The following TMX3 variants were observed in gnomAD, a reference collection of about 807,000 sequenced individuals.
The protein encoded by TMX3 is protein disulfide-isomerase TMX3.
TMX3 carries 40 observed loss-of-function variants against 64.4 expected under a neutral mutation model. The observed-to-expected ratio is 0.62, with a 90% CI of 0.48 to 0.81. TMX3 has a LOEUF of 0.81. TMX3 is among the 30% of genes least tolerant of loss of function. The pLI, the probability that TMX3 is intolerant of heterozygous loss-of-function variation, is 0.00. For synonymous variants in TMX3, 189 were observed against 175.7 expected, an observed-to-expected ratio of 1.08 and a Z score of -0.60; for missense variants, 497 against 534.5, an observed-to-expected ratio of 0.93 and a Z score of 0.69.
rs1182633036 is a variant in TMX3 at position 68,674,201 on chromosome 18, T to C, written c.*2732A>G. ...TAAATCAGATACCAGGAAGCAACTATGTGAGAAAGAAAATGAAAATTCTAG... is the reference window on the plus strand; with the variant it reads ...TAAATCAGATACCAGGAAGCAACTACGTGAGAAAGAAAATGAAAATTCTAG... On this transcript the variant is annotated 3_prime_UTR_variant, in exon 16 of 16. Transcript: ENST00000299608. 2 of 152,140 alleles carry C rather than the reference T, an allele frequency of 1.3e-5. No homozygotes were observed. The highest frequency in any genetic ancestry group is 4.8e-5 in the African/African-American group (2 of 41,436). The allele number at this position is 152,140 out of a possible 1,614,324, so 9.4% of individuals were successfully genotyped here.
At chr18:68,714,044 C>T (rs1032373816) in intron 1 of TMX3, 144 bp from the exon 2 acceptor site, 13 of 446,084 alleles carry the variant, frequency 2.9e-5, no homozygotes, top group African/African-American at 2.6e-4. Context: ...GCAAATGATG[C>T]AAAAGCAAAG....
chr18:68,701,255 A>C (rs2030030288), intron 5 of TMX3, among the ~76,000 whole-genome samples: 1 of 152,138 alleles, frequency 6.6e-6, no homozygotes, highest in Non-Finnish European at 1.5e-5. Context: ...TAACTTTCCG[A>C]ACAATTCCAC....
chr18:68,689,330 G>A (rs1352478599), intron 9 of TMX3, among the ~76,000 whole-genome samples: 2 of 151,316 alleles, frequency 1.3e-5, no homozygotes, highest in Non-Finnish European at 2.9e-5. Context: ...TTCCTAGGCA[G>A]GCTCAAAAAC....
At chr18:68,679,243 TA>T (rs1311075964) in intron 15 of TMX3, among the ~76,000 whole-genome samples, 1 of 152,210 alleles carries the variant, frequency 6.6e-6, no homozygotes, top group Non-Finnish European at 1.5e-5. Flanking sequence ...ACTATCAAGT[TA>T]ATTGATTCTG....
chr18:68,700,489 TA>T lies in TMX3; in HGVS notation c.312-5del, dbSNP rs368921366. Reference sequence around the variant, plus strand: ...ATATGCCAAGTCCCCTTTTAATCTTTAAAAAAAAAAAAAAATTAAAACCTGG... The same window carrying T: ...ATATGCCAAGTCCCCTTTTAATCTTTAAAAAAAAAAAAAATTAAAACCTGG... On this transcript the variant is annotated splice_region_variant and splice_polypyrimidine_tract_variant and intron_variant, in intron 5 of 15. Coordinates refer to ENST00000299608, the MANE Select transcript of TMX3 (RefSeq NM_019022.5). 0.11 allele frequency: 117,715 copies of T among 1,041,272 alleles called. 1 individual carries two copies. Among genetic ancestry groups the T allele is most frequent in the South Asian group, 0.15 (7,826 of 50,664 alleles). 64.5% of individuals were successfully genotyped at this position (1,041,272 alleles called of 1,614,324 possible).
At chr18:68,687,549 T>TG in intron 10 of TMX3, 118 bp downstream of exon 10, 3 of 1,475,752 alleles carry the variant, frequency 2.0e-6, no homozygotes, top group Non-Finnish European at 2.7e-6. Flanking sequence ...CATTCAGATC[T>TG]AAAATAAAAA....
chr18:68,684,208 T>C lies in TMX3; in HGVS notation c.830A>G (p.Tyr277Cys), dbSNP rs73967585. The change falls in exon 12 of 16, where the codon TAC becomes TGC. Residue 277 changes from tyrosine (Y) to cysteine (C), a missense_variant. By Grantham distance (194) the Tyr-to-Cys change is radical. This residue lies in a region of TMX3 where 360 missense variants were observed against 383.5 expected (regional missense o/e 0.94). Coordinates refer to ENST00000299608, the MANE Select transcript of TMX3 (RefSeq NM_019022.5). Reference sequence around the variant, plus strand: ...CACCTACCTATGGAAGAGGTCTCTGTAATCTCTTGCAACTTCCTGAATAAT... The same window carrying C: ...CACCTACCTATGGAAGAGGTCTCTGCAATCTCTTGCAACTTCCTGAATAAT... ...KSIIQEVARD[Y>C]RDLFHRDFQF... is the part of the protein sequence containing the mutation. The C allele has an allele frequency of 1.9e-6, 3 of 1,611,698 alleles. No individual in the cohort carries two copies. The highest frequency in any genetic ancestry group is 1.7e-6 in the Non-Finnish European group (2 of 1,178,376).
intron 14 of TMX3, among the ~76,000 whole-genome samples, chr18:68,680,183 T>C (rs1191175378): frequency 1.3e-5 from 2 of 152,210 alleles, no homozygotes; most frequent in Non-Finnish European, 2.9e-5. Flanking sequence ...CGAAAGTAGT[T>C]ATGTTTGTTA....
intron 10 of TMX3, among the ~76,000 whole-genome samples, chr18:68,685,689 C>T (rs957862477): frequency 6.6e-6 from 1 of 152,176 alleles, no homozygotes; most frequent in Non-Finnish European, 1.5e-5. Context: ...CAAACACAGA[C>T]AAGGCTCTGC....
chr18:68,711,428 T>C (rs1370315073), intron 2 of TMX3, 25 bp from the exon 3 acceptor site: 4 of 1,550,030 alleles, frequency 2.6e-6, no homozygotes, highest in Non-Finnish European at 3.5e-6. Context: ...AACAAATGTT[T>C]GATTGTATGT....
At position 68,677,639 on chromosome 18, in the gene TMX3, T is replaced by TTAGTAGTAAAAA. The variant is rs1568177215; in HGVS notation, c.1105-447_1105-446insTTTTTACTACTA. ...CATGACATTTTTAATATTTTTTACT[T>TTAGTAGTAAAAA]ATCTGGTTAGTAGTAAAACTTCATT... On this transcript the variant is annotated intron_variant, in intron 15 of 15. Transcript: ENST00000299608. Among the ~76,000 whole-genome samples, 10 of 152,308 alleles carry TTAGTAGTAAAAA rather than the reference T, an allele frequency of 6.6e-5. No individual in the cohort carries two copies. The East Asian group carries it at 9.7e-4, about 15-fold the overall frequency.
chr18:68,692,694 A>T (rs1568187817), intron 8 of TMX3, among the ~76,000 whole-genome samples: 1 of 152,192 alleles, frequency 6.6e-6, no homozygotes, highest in Non-Finnish European at 1.5e-5. Context: ...TTCCAAATAC[A>T]TCCTTAAAAC....
chr18:68,680,851 G>T, intron 14 of TMX3, 130 bp downstream of exon 14: 1 of 764,150 alleles, frequency 1.3e-6, no homozygotes, highest in African/African-American at 1.8e-5. Flanking sequence ...CAGAAGCAAT[G>T]TATGGAGGTC....
intron 8 of TMX3, among the ~76,000 whole-genome samples, chr18:68,694,519 C>G (rs114029532): frequency 0.024 from 3,672 of 152,184 alleles, 112 homozygotes; most frequent in African/African-American, 0.06. Context: ...CTCCATGCCT[C>G]GCTCGTCCTT....
chr18:68,680,876 G>A (rs147741977), intron 14 of TMX3, 105 bp downstream of exon 14: 27 of 1,163,256 alleles, frequency 2.3e-5, no homozygotes, highest in African/African-American at 7.9e-5. Context: ...CCTCTACTCC[G>A]GGTGATGGCC....
At position 68,708,843 on chromosome 18, in the gene TMX3, T is replaced by C. The variant is rs531404918; in HGVS notation, c.265+1178A>G. Among the ~76,000 whole-genome samples, 12 of 152,276 alleles carry C rather than the reference T, an allele frequency of 7.9e-5. No homozygotes were observed. The South Asian group carries it at 1.2e-3, about 16-fold the overall frequency. Reference sequence around the variant, plus strand: ...CTAGGGGGTTTTAAATACAAGATATTAACATGATTTCCACAACCTTGAGGA... The same window carrying C: ...CTAGGGGGTTTTAAATACAAGATATCAACATGATTTCCACAACCTTGAGGA... On this transcript the variant is annotated intron_variant, in intron 4 of 15. Coordinates refer to ENST00000299608, the MANE Select transcript of TMX3 (RefSeq NM_019022.5).
chr18:68,681,032 A>T lies in TMX3; in HGVS notation c.984T>A (p.Asn328Lys), dbSNP rs201462498. The change falls in exon 14 of 16, where the codon AAT becomes AAA. Residue 328 changes from asparagine to lysine, a missense_variant. Transcript: ENST00000299608. ...TAATAAACTGGACCATGTCTTCAACATTCTTAATCTGTCTATCTAGCAAGA... is the reference window on the plus strand; with the variant it reads ...TAATAAACTGGACCATGTCTTCAACTTTCTTAATCTGTCTATCTAGCAAGA... ...QYFLLDRQIK[N>K]VEDMVQFINN... is the part of the protein sequence containing the mutation. The T allele has an allele frequency of 4.4e-6, 7 of 1,601,638 alleles. No individual in the cohort carries two copies. Among genetic ancestry groups the T allele is most frequent in the Non-Finnish European group, 5.1e-6 (6 of 1,174,626 alleles).
At chr18:68,708,773 C>T (rs931281859) in intron 4 of TMX3, among the ~76,000 whole-genome samples, 45 of 152,136 alleles carry the variant, frequency 3.0e-4, no homozygotes, top group African/African-American at 1.1e-3. Flanking sequence ...AAGCTCTTAA[C>T]AATGTGGCAT....
chr18:68,700,779 A>G (rs183797783), intron 5 of TMX3: 4 of 985,226 alleles, frequency 4.1e-6, no homozygotes, highest in Non-Finnish European at 3.6e-6. Context: ...CATGGTCAAG[A>G]GCTTGGAAAA....
Sources: gnomAD v4.1 joint callset for allele counts (sites outside exome capture counted in the v4.1 genomes callset) on GRCh38, gnomAD v4.1.1 for gene constraint, gnomAD v4.1.1 regional missense constraint, MANE v1.5 for transcripts, NCBI Gene and HGNC (gene_info 2026-07-23, HGNC 2026-07-21) for gene names.